CALR3: variants seen among roughly 807,000 people sequenced by gnomAD.
CALR3 encodes the protein calreticulin-3.
CALR3 carries 39 observed loss-of-function variants against 48.7 expected under a neutral mutation model. The ratio of observed to expected loss-of-function variants is 0.80; its 90% confidence interval spans 0.62 to 1.05. The LOEUF is 1.05. Ranked by LOEUF, CALR3 falls within the 50% of genes least tolerant of loss-of-function variation. The pLI is 0.00. For missense variants in CALR3, 449 were observed against 474.7 expected (o/e 0.95, Z 0.50); for synonymous variants, 185 against 172.7 (o/e 1.07, Z -0.56).
chr19:16,490,319 G>T, intron 3 of CALR3, 48 bp downstream of exon 3: 1 of 1,538,932 alleles, frequency 6.5e-7, no homozygotes, highest in Non-Finnish European at 9.0e-7. Context: ...GAAGTGGGAG[G>T]GTTTTCAAAG....
chr19:16,479,214 C>T lies in CALR3; in HGVS notation c.1072G>A (p.Glu358Lys). 1.9e-6 allele frequency: 3 copies of T among 1,614,146 alleles called. No individual in the cohort carries two copies. Among genetic ancestry groups the T allele is most frequent in the Non-Finnish European group, 2.5e-6 (3 of 1,180,042 alleles). ...CCCGACAGCAGCTCTTCCTCCTCTT[C>T]CTCGCGGGCCTTCTTCATTTCCTCC... Reference protein sequence around the residue: ...AKEEMKKAREEEEEELLSGKI... With the variant: ...AKEEMKKAREKEEEELLSGKI... The change falls in exon 9 of 9, where the codon GAA becomes AAA. Residue 358 changes from glutamate (E) to lysine (K), a missense_variant. Glu to Lys is a moderately conservative substitution (Grantham distance 56). Transcript: ENST00000269881.
Position 16,495,796 on chromosome 19 carries a change from TA to T in CALR3, c.147del (p.Phe49LeufsTer49). On this transcript the variant is annotated frameshift_variant, in exon 2 of 9. Coordinates refer to ENST00000269881, the MANE Select transcript of CALR3 (RefSeq NM_145046.5). LOFTEE classifies it high-confidence loss of function. ...QSTNDSRFGH[F>X]RLSSGKFYGH... ...CCATAAAACTTGCCCGACGAAAGTC[TA>T]AAATGCCCAAATCGGGAGTCATTGG... 6.2e-7 allele frequency: 1 copy of T among 1,614,124 alleles called. No homozygotes were observed. The highest frequency in any genetic ancestry group is 1.1e-5 in the South Asian group (1 of 91,084).
rs763996566 is a variant in CALR3 at position 16,482,615 on chromosome 19, T to C, written c.787-34A>G. The C allele has an allele frequency of 4.3e-6, 7 of 1,613,958 alleles. No homozygotes were observed. In the Admixed American group the frequency reaches 1.0e-4, roughly 23 times the overall value. On this transcript the variant is annotated intron_variant, in intron 6 of 8. Coordinates refer to ENST00000269881, the MANE Select transcript of CALR3 (RefSeq NM_145046.5). ...AAAAAACCATATGGGGTGGTCTCAA[T>C]GACATGGGCAGCGGAGGGGCAGCCC...
chr19:16,481,453 G>C (rs58614571), intron 7 of CALR3, among the ~76,000 whole-genome samples: 1,943 of 135,614 alleles, frequency 0.014, 52 homozygotes, highest in African/African-American at 0.05. Context: ...TTTTTTTTTT[G>C]AGACTTAGTC....
In CALR3 at chr19:16,487,281, C is replaced by A. The variant is rs1319174807; in HGVS notation, c.398-2024G>T. Among the ~76,000 whole-genome samples the A allele has an allele frequency of 2.0e-5, 3 of 151,958 alleles. No individual in the cohort carries two copies. The East Asian group carries it at 5.8e-4, about 29-fold the overall frequency. ...ATCACCTGAGGTCAGTAGGTCGAGA[C>A]CAGCCTGTCCAACATGGTGAAACCC... On this transcript the variant is annotated intron_variant, in intron 3 of 8. Coordinates refer to ENST00000269881, the MANE Select transcript of CALR3 (RefSeq NM_145046.5).
intron 8 of CALR3, 67 bp from the exon 9 acceptor site, chr19:16,479,341 T>C: frequency 6.3e-7 from 1 of 1,591,004 alleles, no homozygotes; most frequent in East Asian, 2.2e-5. Context: ...ATCCCAGCAC[T>C]TTGGGAGGCC....
intron 2 of CALR3, among the ~76,000 whole-genome samples, chr19:16,494,655 C>G (rs887106349): frequency 6.6e-5 from 10 of 152,204 alleles, no homozygotes; most frequent in Admixed American, 1.3e-4. Flanking sequence ...GCCACCGCGC[C>G]TGGCCTATTT....
intron 2 of CALR3, among the ~76,000 whole-genome samples, chr19:16,492,861 C>CAAA (rs71178700): frequency 6.4e-5 from 8 of 124,692 alleles, no homozygotes; most frequent in Admixed American, 8.8e-5. Flanking sequence ...GACTCCGTCT[C>CAAA]AAAAAAAAAA....
At chr19:16,481,205 C>T (rs1433653441) in intron 7 of CALR3, among the ~76,000 whole-genome samples, 1 of 152,008 alleles carries the variant, frequency 6.6e-6, no homozygotes, top group Non-Finnish European at 1.5e-5. Flanking sequence ...CTTCAGCCTC[C>T]CCAGTAGCTG....
Position 16,496,086 on chromosome 19 carries a change from C to T in CALR3, c.44G>A (p.Arg15Gln). Residue 15 changes from arginine (R) to glutamine (Q), a missense_variant, in exon 1 of 9, where the codon CGA (arginine) becomes CAA (glutamine). Transcript: ENST00000269881. The part of the protein sequence containing the change: ...LVQLWAICML[R>Q]VALATVYFQE... ...GAAATAGACGGTAGCCAGCGCCACT[C>T]GCAGCATGCATATGGCCCAGAGCTG... The T allele has an allele frequency of 6.2e-7, 1 of 1,607,522 alleles. No homozygotes were observed. Among genetic ancestry groups the T allele is most frequent in the South Asian group, 1.1e-5 (1 of 89,868 alleles).
At chr19:16,488,571 A>T (rs2093392788) in intron 3 of CALR3, among the ~76,000 whole-genome samples, 1 of 151,472 alleles carries the variant, frequency 6.6e-6, no homozygotes, top group East Asian at 1.9e-4. Context: ...TGCCCGGCTA[A>T]TTTTTTTTGT....
intron 8 of CALR3, 138 bp downstream of exon 8, chr19:16,480,476 C>A: frequency 1.5e-6 from 1 of 663,802 alleles, no homozygotes; most frequent in Non-Finnish European, 2.7e-6. Context: ...CGCTTGAACC[C>A]GGGAGGTGGA....
intron 7 of CALR3, among the ~76,000 whole-genome samples, chr19:16,481,742 GC>G (rs925313157): frequency 3.3e-5 from 5 of 151,564 alleles, no homozygotes; most frequent in African/African-American, 9.7e-5. Flanking sequence ...CAGGCAATCT[GC>G]CCCCCTCAGC....
At chr19:16,492,765 G>C (rs573638847) in intron 2 of CALR3, among the ~76,000 whole-genome samples, 72 of 151,846 alleles carry the variant, frequency 4.7e-4, no homozygotes, top group Non-Finnish European at 8.5e-4. Flanking sequence ...CCGGCTACTC[G>C]GCAGAAGAAT....
chr19:16,483,615 G>GT, intron 5 of CALR3: 1 of 280,468 alleles, frequency 3.6e-6, no homozygotes, highest in Non-Finnish European at 7.0e-6. Flanking sequence ...GTATTCGGGA[G>GT]GCTGAGGCAG....
At chr19:16,488,928 T>C (rs2093393399) in intron 3 of CALR3, among the ~76,000 whole-genome samples, 1 of 152,190 alleles carries the variant, frequency 6.6e-6, no homozygotes, top group South Asian at 2.1e-4. Context: ...TCATGACAAC[T>C]TAACTCTGCC....
intron 3 of CALR3, among the ~76,000 whole-genome samples, chr19:16,487,859 G>T (rs1250560952): frequency 4.0e-5 from 6 of 151,132 alleles, no homozygotes; most frequent in African/African-American, 1.5e-4. Flanking sequence ...TGTTGCCCAG[G>T]CTGGAGTGCA....
chr19:16,488,414 C>CT (rs1285742390), intron 3 of CALR3, among the ~76,000 whole-genome samples: 1 of 151,798 alleles, frequency 6.6e-6, no homozygotes, highest in Non-Finnish European at 1.5e-5. Context: ...TACATTCATT[C>CT]TTTTTTTGGA....
intron 2 of CALR3, among the ~76,000 whole-genome samples, chr19:16,491,523 A>G (rs1247119321): frequency 6.6e-6 from 1 of 150,800 alleles, no homozygotes; most frequent in Non-Finnish European, 1.5e-5. Flanking sequence ...TCACGCCTGT[A>G]ATCCCAGCAC....
Sources: gnomAD v4.1 joint callset for allele counts (sites outside exome capture counted in the v4.1 genomes callset) on GRCh38, gnomAD v4.1.1 for gene constraint, MANE v1.5 for transcripts, NCBI Gene and HGNC (gene_info 2026-07-23, HGNC 2026-07-21) for gene names.